Variants in BRCA1 observed in about 807,000 individuals in gnomAD.
The protein encoded by BRCA1 is breast cancer type 1 susceptibility protein.
Under a neutral mutation model 173.7 loss-of-function variants are expected in BRCA1, and 140 were observed. That is an observed-to-expected ratio of 0.81 (90% confidence interval 0.70 to 0.93). The LOEUF (loss-of-function observed/expected upper bound fraction) is 0.93. BRCA1 is among the 40% of genes least tolerant of loss of function. BRCA1 has a pLI of 0.00. For synonymous variants in BRCA1, 662 were observed against 756.0 expected (o/e 0.88, Z 2.04); for missense variants, 1,983 against 2,172.5 (o/e 0.91, Z 1.73).
chr17:43,045,946 G>C, intron 22 of BRCA1, 144 bp from the exon 23 acceptor site: 1 of 1,008,216 alleles, frequency 9.9e-7, no homozygotes, highest in South Asian at 1.7e-5. Context: ...TTTTTGAGAC[G>C]GAGTCTTGCT....
At chr17:43,098,657 G>A (rs930616025) in intron 7 of BRCA1, among the ~76,000 whole-genome samples, 4 of 130,748 alleles carry the variant, frequency 3.1e-5, no homozygotes, top group South Asian at 3.1e-4. Context: ...ATGAGCCACC[G>A]CACCGGCCAA....
At chr17:43,081,080 C>T (rs980675603) in intron 12 of BRCA1, among the ~76,000 whole-genome samples, 2 of 151,910 alleles carry the variant, frequency 1.3e-5, no homozygotes, top group Non-Finnish European at 2.9e-5. Flanking sequence ...CACGTATATA[C>T]CAAAGAGGAG....
intron 15 of BRCA1, among the ~76,000 whole-genome samples, chr17:43,070,009 C>T (rs985055581): frequency 1.3e-5 from 2 of 152,166 alleles, no homozygotes; most frequent in African/African-American, 4.8e-5. Context: ...TCTCGGCTCA[C>T]CGCAACCTCC....
chr17:43,096,571 CAAAAA>C (rs34226398), intron 8 of BRCA1, among the ~76,000 whole-genome samples: 3 of 89,556 alleles, frequency 3.3e-5, no homozygotes, highest in African/African-American at 7.9e-5. Flanking sequence ...ACCCCGTCTC[CAAAAA>C]AAAAAAAAAA....
Position 43,096,304 on chromosome 17 carries a change from G to A in BRCA1, c.594-382C>T, listed in dbSNP as rs565514357. ...AGGCAGGAGTATGGCTTCAACCTGG[G>A]AGGCAGACGTTGCGGAGAGGTGAGA... On this transcript the variant is annotated intron_variant, in intron 8 of 22. Transcript: ENST00000357654. Among the ~76,000 whole-genome samples the A allele has an allele frequency of 9.6e-5, 14 of 146,400 alleles. No homozygotes were observed. In the East Asian group the frequency reaches 2.9e-3, roughly 31 times the overall value.
chr17:43,130,008 CTG>C (rs2055952298), upstream of BRCA1, among the ~76,000 whole-genome samples: 1 of 152,116 alleles, frequency 6.6e-6, no homozygotes, highest in African/African-American at 2.4e-5. Flanking sequence ...ATGGAGAAAA[CTG>C]GGGGATAATT....
At chr17:43,162,655 A>C (rs1309189828) in intron 1 of BRCA1, 2 of 152,196 alleles carry the variant, frequency 1.3e-5, no homozygotes, top group Non-Finnish European at 2.9e-5. Flanking sequence ...TATACACTGG[A>C]ACAGTCCTCA....
chr17:43,065,688 A>G (rs1416669393), intron 16 of BRCA1, among the ~76,000 whole-genome samples: 1 of 152,180 alleles, frequency 6.6e-6, no homozygotes, highest in African/African-American at 2.4e-5. Context: ...AAACAAAAAC[A>G]AAAGAATCAT....
In BRCA1 at chr17:43,093,898, C is replaced by T. The variant is rs1304908704; in HGVS notation, c.1633G>A (p.Val545Met). 1 of 1,613,982 alleles carries T rather than the reference C, an allele frequency of 6.2e-7. No homozygotes were observed. Reference sequence around the variant, plus strand: ...TGACCACTATTAGTAATATTCATCACTTGACCATTCTGCTCCGTTTGGTTA... The same window carrying T: ...TGACCACTATTAGTAATATTCATCATTTGACCATTCTGCTCCGTTTGGTTA... ...GTNQTEQNGQ[V>M]MNITNSGHEN... Residue 545 changes from valine (V) to methionine (M), a missense_variant, in exon 10 of 23, where the codon GTG (valine) becomes ATG (methionine). Coordinates refer to ENST00000357654, the MANE Select transcript of BRCA1 (RefSeq NM_007294.4).
In BRCA1 at chr17:43,094,021, G is replaced by T. The variant is rs80357445; in HGVS notation, c.1510C>A (p.Arg504Ser). The T allele has an allele frequency of 6.2e-7, 1 of 1,613,918 alleles. No individual in the cohort carries two copies. Among genetic ancestry groups the T allele is most frequent in the Non-Finnish European group, 8.5e-7 (1 of 1,179,966 alleles). Reference sequence around the variant, plus strand: ...AGGCCTGATGTAGGTCTCCTTTTACGCTTTAATTTATTTGTGAGGGGACGC... The same window carrying T: ...AGGCCTGATGTAGGTCTCCTTTTACTCTTTAATTTATTTGTGAGGGGACGC... ...QERPLTNKLK[R>S]KRRPTSGLHP... The change falls in exon 10 of 23, where the codon CGT becomes AGT. Residue 504 changes from arginine (R) to serine (S), a missense_variant. Arg to Ser is a moderately radical substitution (Grantham distance 110). Coordinates refer to ENST00000357654, the MANE Select transcript of BRCA1 (RefSeq NM_007294.4).
chr17:43,046,429 ACT>A (rs760514235), intron 22 of BRCA1, among the ~76,000 whole-genome samples: 20 of 140,140 alleles, frequency 1.4e-4, no homozygotes, highest in Non-Finnish European at 2.0e-4. Flanking sequence ...ATGGAGTCTC[ACT>A]CTGTCACTCA....
chr17:43,067,890 T>TAAAAA (rs71157702), intron 15 of BRCA1, among the ~76,000 whole-genome samples, 195 bp from the exon 16 acceptor site: 5 of 50,102 alleles, frequency 1.0e-4, no homozygotes, highest in African/African-American at 1.9e-4. Flanking sequence ...AGGCTGGAGG[T>TAAAAA]AAAAAAAAAA....
intron 19 of BRCA1, among the ~76,000 whole-genome samples, chr17:43,053,891 C>T (rs963164153): frequency 6.6e-6 from 1 of 151,824 alleles, no homozygotes; most frequent in African/African-American, 2.4e-5. Flanking sequence ...ATCACTTGAA[C>T]CCTGGAGGCA....
intron 3 of BRCA1, among the ~76,000 whole-genome samples, chr17:43,108,502 A>G (rs1240430497): frequency 6.6e-6 from 1 of 151,758 alleles, no homozygotes; most frequent in Non-Finnish European, 1.5e-5. Flanking sequence ...CTGGAGTTTG[A>G]GACCAGCCTG....
At chr17:43,140,086 ATCCTCT>A in intron 1 of BRCA1, 1 of 350,702 alleles carries the variant, frequency 2.9e-6, no homozygotes, top group Non-Finnish European at 5.7e-6. Flanking sequence ...CCCATTCCCC[ATCCTCT>A]GGGGTGGGGA....
rs80356910 is a variant in BRCA1, at chr17:43,093,828, G to A, written c.1703C>T (p.Pro568Leu). The A allele has an allele frequency of 8.7e-6, 14 of 1,613,200 alleles. 1 individual carries two copies. In the Middle Eastern group the frequency reaches 4.9e-4, roughly 57 times the overall value. The change falls in exon 10 of 23, where the codon CCT becomes CTT. Residue 568 changes from proline to leucine, a missense_variant. Coordinates refer to ENST00000357654, the MANE Select transcript of BRCA1 (RefSeq NM_007294.4). The stretch of plus-strand genomic sequence containing the variant: ...TTTTTCGAGTGATTCTATTGGGTTA[G>A]GATTTTTCTCATTCTGAATAGAATC... ...KGDSIQNEKN[P>L]NPIESLEKES...
At chr17:43,078,015 G>A (rs758407710) in intron 12 of BRCA1, among the ~76,000 whole-genome samples, 18 of 151,428 alleles carry the variant, frequency 1.2e-4, no homozygotes, top group Non-Finnish European at 2.5e-4. Context: ...GATTACAGGC[G>A]TGAGCCACTG....
At chr17:43,169,924 C>G in intron 1 of BRCA1, 1 of 452,932 alleles carries the variant, frequency 2.2e-6, no homozygotes. Flanking sequence ...TTGACGTTGG[C>G]CAGGACCTTT....
chr17:43,064,422 G>A (rs1270821894), intron 16 of BRCA1, among the ~76,000 whole-genome samples: 1 of 152,192 alleles, frequency 6.6e-6, no homozygotes, highest in Non-Finnish European at 1.5e-5. Flanking sequence ...TCTACCTGGG[G>A]AGTCCTAACC....
Sources: gnomAD v4.1 joint callset for allele counts (sites outside exome capture counted in the v4.1 genomes callset) on GRCh38, gnomAD v4.1.1 for gene constraint, MANE v1.5 for transcripts, NCBI Gene and HGNC (gene_info 2026-07-23, HGNC 2026-07-21) for gene names.